The following IL1RAPL2 variants were observed in gnomAD, a reference collection of about 807,000 sequenced individuals.
The protein encoded by IL1RAPL2 is X-linked interleukin-1 receptor accessory protein-like 2.
In IL1RAPL2, 3 loss-of-function variants were observed where a neutral mutation model predicts 44.1. The observed-to-expected ratio is 0.07, with a 90% CI of 0.03 to 0.18. IL1RAPL2 has a LOEUF of 0.18. Ranked by LOEUF, IL1RAPL2 falls within the 10% of genes least tolerant of loss-of-function variation. The pLI is 1.00. For missense variants in IL1RAPL2, 391 were observed against 496.4 expected (o/e 0.79, Z 2.02); for synonymous variants, 181 against 178.8 (o/e 1.01, Z -0.10).
At chrX:104,906,388 T>C (rs1320182274) in intron 2 of IL1RAPL2, among the ~76,000 whole-genome samples, 1 of 111,036 alleles carries the variant, frequency 9.0e-6, no homozygotes, top group African/African-American at 3.3e-5. Context: ...GTGCCTGTTT[T>C]CAAAGGGAAT....
intron 3 of IL1RAPL2, among the ~76,000 whole-genome samples, chrX:105,227,540 T>G (rs17285493): frequency 0.24 from 26,781 of 111,361 alleles, 2,358 homozygotes; most frequent in Middle Eastern, 0.3. Flanking sequence ...TTCTTCTTAT[T>G]AGCATAGATA....
chrX:105,353,667 C>A (rs893915290), intron 5 of IL1RAPL2, among the ~76,000 whole-genome samples: 1 of 111,062 alleles, frequency 9.0e-6, no homozygotes, highest in Non-Finnish European at 1.9e-5. Flanking sequence ...AAGCTGGATT[C>A]CTAGGTATTT....
At chrX:104,959,437 G>A (rs1490307934) in intron 2 of IL1RAPL2, among the ~76,000 whole-genome samples, 1 of 111,610 alleles carries the variant, frequency 9.0e-6, no homozygotes, top group Non-Finnish European at 1.9e-5. Flanking sequence ...TGAGATGGGG[G>A]CACCAAGTTT....
intron 6 of IL1RAPL2, among the ~76,000 whole-genome samples, chrX:105,647,670 C>T (rs748315440): frequency 1.8e-5 from 2 of 112,444 alleles, no homozygotes; most frequent in Non-Finnish European, 3.8e-5. Context: ...TACTCTAGGA[C>T]TTCCCATTGG....
chrX:105,001,675 G>T lies in IL1RAPL2; in HGVS notation c.83-193800G>T, dbSNP rs780440280. On this transcript the variant is annotated intron_variant, in intron 2 of 10. Transcript: ENST00000372582. ...TCTAAGGGAGGAAACCAAAGCAAAG[G>T]CATTAGGAGAGTGTTGATTCTTAGT... Among the ~76,000 whole-genome samples the T allele has an allele frequency of 4.0e-4, 45 of 111,348 alleles. No homozygotes were observed. In the South Asian group the frequency reaches 0.015, roughly 37 times the overall value.
At chrX:105,219,292 G>T (rs781898459) in intron 3 of IL1RAPL2, 2 of 1,210,933 alleles carry the variant, frequency 1.7e-6, no homozygotes, top group Non-Finnish European at 2.2e-6. Flanking sequence ...GTATGAGTAT[G>T]AGTATGAGGC....
At chrX:105,237,204 C>T (rs2034127770) in intron 4 of IL1RAPL2, among the ~76,000 whole-genome samples, 1 of 112,182 alleles carries the variant, frequency 8.9e-6, no homozygotes, top group South Asian at 3.7e-4. Context: ...GCATAGTATT[C>T]CATGGTGTAT....
At chrX:105,362,368 G>A (rs946242292) in intron 5 of IL1RAPL2, among the ~76,000 whole-genome samples, 6 of 111,400 alleles carry the variant, frequency 5.4e-5, no homozygotes, top group African/African-American at 1.6e-4. Context: ...TTATCGTGCA[G>A]GAGATTGATT....
chrX:104,905,095 T>G (rs1345599696), intron 2 of IL1RAPL2, among the ~76,000 whole-genome samples: 1 of 111,690 alleles, frequency 9.0e-6, no homozygotes, highest in Non-Finnish European at 1.9e-5. Context: ...GCTGCATAAA[T>G]GTCTTCTTTT....
chrX:105,411,013 T>G (rs186028491), intron 5 of IL1RAPL2, among the ~76,000 whole-genome samples: 2 of 111,929 alleles, frequency 1.8e-5, no homozygotes, highest in East Asian at 2.8e-4. Context: ...ATTAAGGCAA[T>G]AAAATACAAA....
At chrX:104,586,861 G>T (rs1928572436) in intron 1 of IL1RAPL2, among the ~76,000 whole-genome samples, 1 of 111,726 alleles carries the variant, frequency 9.0e-6, no homozygotes, top group Non-Finnish European at 1.9e-5. Context: ...TCCTGAGAAG[G>T]ACTGAAAGTG....
intron 6 of IL1RAPL2, among the ~76,000 whole-genome samples, chrX:105,669,953 C>T (rs2037803289): frequency 9.6e-6 from 1 of 103,870 alleles, no homozygotes; most frequent in Admixed American, 1.0e-4. Flanking sequence ...ACTTAGTTCA[C>T]GGTTCATTAT....
intron 2 of IL1RAPL2, among the ~76,000 whole-genome samples, chrX:104,665,028 A>C (rs1389281330): frequency 9.0e-6 from 1 of 111,187 alleles, no homozygotes; most frequent in East Asian, 2.8e-4. Context: ...TATGTTCAAA[A>C]GTTGCTTGAA....
At chrX:105,170,001 C>T in intron 2 of IL1RAPL2, among the ~76,000 whole-genome samples, 1 of 110,378 alleles carries the variant, frequency 9.1e-6, no homozygotes, top group Middle Eastern at 4.7e-3. Flanking sequence ...ACAAGGTGTC[C>T]ATCTCAGGTA....
chrX:105,471,105 G>T (rs187698949), intron 5 of IL1RAPL2, among the ~76,000 whole-genome samples: 4 of 112,369 alleles, frequency 3.6e-5, no homozygotes, highest in African/African-American at 1.3e-4. Context: ...ATCAATGTTT[G>T]CTACCATTTA....
At chrX:105,651,533 T>C (rs1428274906) in intron 6 of IL1RAPL2, among the ~76,000 whole-genome samples, 1 of 112,071 alleles carries the variant, frequency 8.9e-6, no homozygotes, top group African/African-American at 3.2e-5. Context: ...TCTTCTTAGT[T>C]CTATAATTCT....
At chrX:105,408,353 A>T (rs187825325) in intron 5 of IL1RAPL2, among the ~76,000 whole-genome samples, 1 of 110,918 alleles carries the variant, frequency 9.0e-6, no homozygotes, top group African/African-American at 3.3e-5. Flanking sequence ...CTTATTTTCT[A>T]CCCCAAGAGC....
intron 5 of IL1RAPL2, among the ~76,000 whole-genome samples, chrX:105,309,271 A>T (rs2034776473): frequency 9.3e-6 from 1 of 107,166 alleles, no homozygotes; most frequent in Non-Finnish European, 1.9e-5. Flanking sequence ...TCCTGACCTC[A>T]AGTAATCTGC....
chrX:105,409,817 T>TAGAC (rs1365549599), intron 5 of IL1RAPL2, among the ~76,000 whole-genome samples: 1 of 93,560 alleles, frequency 1.1e-5, no homozygotes, highest in Non-Finnish European at 2.1e-5. Context: ...TATAGATAGA[T>TAGAC]AGATAGATAG....
Sources: gnomAD v4.1 joint callset for allele counts (sites outside exome capture counted in the v4.1 genomes callset) on GRCh38, gnomAD v4.1.1 for gene constraint, MANE v1.5 for transcripts, NCBI Gene and HGNC (gene_info 2026-07-23, HGNC 2026-07-21) for gene names.